Variants in WNT10A observed in about 807,000 individuals in gnomAD.
WNT10A encodes the protein protein Wnt-10a.
A neutral mutation model predicts 36.1 loss-of-function variants in WNT10A; 37 were observed. The observed-to-expected ratio is 1.02, with a 90% CI of 0.79 to 1.35. The LOEUF is 1.35. Among genes scored for constraint, WNT10A ranks in the 40% most tolerant of loss-of-function variants. The pLI is 0.00. For synonymous variants in WNT10A, 255 were observed against 254.1 expected, an observed-to-expected ratio of 1.00 and a Z score of -0.03; for missense variants, 613 against 601.4, an observed-to-expected ratio of 1.02 and a Z score of -0.20.
upstream of WNT10A, among the ~76,000 whole-genome samples, chr2:218,876,800 G>A (rs1345834233): frequency 1.3e-5 from 2 of 152,336 alleles, no homozygotes; most frequent in East Asian, 3.9e-4. Flanking sequence ...GACCACCAGA[G>A]GGCATGCGGA....
chr2:218,875,155 CTTTCTTT>C, the WNT10A span, among the ~76,000 whole-genome samples: 1 of 62,738 alleles, frequency 1.6e-5, no homozygotes, highest in South Asian at 6.5e-4. Flanking sequence ...ATAAGACTGA[CTTTCTTT>C]TTTTTTTTTT....
intron 2 of WNT10A, among the ~76,000 whole-genome samples, chr2:218,888,444 G>C (rs1368796000): frequency 3.9e-5 from 6 of 152,228 alleles, no homozygotes; most frequent in Admixed American, 3.9e-4. Flanking sequence ...AGAGTGGCTT[G>C]GTCAGGGAAA....
At chr2:218,892,743 G>A (rs765791031) in intron 3 of WNT10A, 31 bp from the exon 4 acceptor site, 1 of 1,562,484 alleles carries the variant, frequency 6.4e-7, no homozygotes, top group Non-Finnish European at 8.7e-7. Context: ...GCTGCGCGCC[G>A]TGTCACCCCT....
At chr2:218,880,729 G>T (rs1354577457), upstream of WNT10A, 2 of 423,218 alleles carry the variant, frequency 4.7e-6, no homozygotes, top group Non-Finnish European at 8.4e-6. This position sits in a 1 kb window ranked among gnomAD's most constrained non-coding sequence, Gnocchi z 7.7. Flanking sequence ...GTCGCGGGGG[G>T]GCCTCGGGAA....
In WNT10A at chr2:218,890,259, A is replaced by G. The variant is rs373991357; in HGVS notation, c.652A>G (p.Met218Val). 6.0e-5 allele frequency: 97 copies of G among 1,613,022 alleles called. 1 individual carries two copies. Among genetic ancestry groups the G allele is most frequent in the South Asian group, 5.6e-4 (51 of 91,086 alleles). Residue 218 changes from methionine (M) to valine (V), a missense_variant, in exon 3 of 4, where the codon ATG becomes GTG. Met to Val is a conservative substitution (Grantham distance 21). Transcript: ENST00000258411. ...GGAGTGGGGCGGCTGCAGCCCCGACATGGGCTTCGGGGAGCGCTTTTCTAA... is the reference window on the plus strand; with the variant it reads ...GGAGTGGGGCGGCTGCAGCCCCGACGTGGGCTTCGGGGAGCGCTTTTCTAA... ...SWEWGGCSPD[M>V]GFGERFSKDF...
chr2:218,893,354 A>G lies in WNT10A; in HGVS notation c.*83A>G. On this transcript the variant is annotated 3_prime_UTR_variant, in exon 4 of 4. Transcript: ENST00000258411. This position sits in a 1 kb window ranked among gnomAD's most constrained non-coding sequence, Gnocchi z 6.3. ...AGGCTTACGGTCTTGGCAAGGCAGC[A>G]TCGCCTTGGCTCTTGGGAAGAGGAG... 1.4e-6 allele frequency: 2 copies of G among 1,471,602 alleles called. No individual in the cohort carries two copies. The highest frequency in any genetic ancestry group is 1.8e-6 in the Non-Finnish European group (2 of 1,110,376). 91.2% of individuals were successfully genotyped at this position (1,471,602 alleles called of 1,614,324 possible).
chr2:218,875,157 TTC>T, the WNT10A span, among the ~76,000 whole-genome samples: 1 of 124,574 alleles, frequency 8.0e-6, no homozygotes, highest in South Asian at 2.8e-4. Context: ...AAGACTGACT[TTC>T]TTTTTTTTTT....
chr2:218,881,032 C>T lies in WNT10A; in HGVS notation c.37C>T (p.Arg13Ter), dbSNP rs756946393. ...SAHPRPWLRL[R>*]PQPQPRPALW... ...CCACCCTCGCCCCTGGCTGCGGCTCCGACCCCAGCCCCAGCCGCGGCCAGC... is the reference window on the plus strand; with the variant it reads ...CCACCCTCGCCCCTGGCTGCGGCTCTGACCCCAGCCCCAGCCGCGGCCAGC... The change falls in exon 1 of 4, where the codon CGA becomes TGA. Residue 13 changes from arginine (R) to a stop codon, truncating the protein, a stop_gained. Transcript: ENST00000258411. LOFTEE classifies it high-confidence loss of function. 16 of 1,600,306 alleles carry T rather than the reference C, an allele frequency of 1.0e-5. No individual in the cohort carries two copies. The highest frequency in any genetic ancestry group is 1.2e-5 in the Non-Finnish European group (14 of 1,173,780).
intron 2 of WNT10A, among the ~76,000 whole-genome samples, chr2:218,886,056 C>T (rs1365122903): frequency 4.6e-5 from 7 of 152,142 alleles, no homozygotes; most frequent in Non-Finnish European, 1.0e-4. Flanking sequence ...ATCTAGGAGT[C>T]AAATGCAGGC....
upstream of WNT10A, among the ~76,000 whole-genome samples, chr2:218,879,883 C>T (rs79447856): frequency 6.6e-6 from 1 of 152,224 alleles, no homozygotes; most frequent in Non-Finnish European, 1.5e-5. Flanking sequence ...AACGCCTCCT[C>T]CCAGGACGTG....
chr2:218,889,418 C>G (rs927981065), intron 2 of WNT10A, among the ~76,000 whole-genome samples: 1 of 152,192 alleles, frequency 6.6e-6, no homozygotes, highest in Non-Finnish European at 1.5e-5. Flanking sequence ...ATAATGACTT[C>G]TTTTCCTCTG....
chr2:218,880,729 G>A (rs1354577457), upstream of WNT10A: 2 of 423,104 alleles, frequency 4.7e-6, no homozygotes, highest in Non-Finnish European at 8.4e-6. This position sits in a 1 kb window ranked among gnomAD's most constrained non-coding sequence, Gnocchi z 7.7. Context: ...GTCGCGGGGG[G>A]GCCTCGGGAA....
intron 3 of WNT10A, among the ~76,000 whole-genome samples, chr2:218,892,535 C>G (rs982246556): frequency 2.0e-4 from 30 of 152,222 alleles, no homozygotes; most frequent in African/African-American, 7.0e-4. Flanking sequence ...GGAGGGGAGC[C>G]GGCAGGTGGG....
At chr2:218,887,135 C>G (rs189966903) in intron 2 of WNT10A, among the ~76,000 whole-genome samples, 4 of 152,294 alleles carry the variant, frequency 2.6e-5, no homozygotes, top group African/African-American at 9.6e-5. Flanking sequence ...AGCAGGACTC[C>G]CTTTGAGTCA....
At chr2:218,881,233 TG>T in intron 1 of WNT10A, 125 bp downstream of exon 1, 1 of 1,424,644 alleles carries the variant, frequency 7.0e-7, no homozygotes, top group East Asian at 2.5e-5. Flanking sequence ...AGGAAAGTGC[TG>T]GTGCCCAACC....
rs781178898 is a variant in WNT10A at position 218,893,078 on chromosome 2, C to T, written c.1061C>T (p.Ser354Leu). 30 of 1,596,422 alleles carry T rather than the reference C, an allele frequency of 1.9e-5. 1 individual carries two copies. The South Asian group carries it at 2.9e-4, about 15-fold the overall frequency. The change falls in exon 4 of 4, where the codon TCG becomes TTG. Residue 354 changes from serine to leucine, a missense_variant. Coordinates refer to ENST00000258411, the MANE Select transcript of WNT10A (RefSeq NM_025216.3). This position sits in a 1 kb window ranked among gnomAD's most constrained non-coding sequence, Gnocchi z 6.3. ...DFCEREPRLD[S>L]AGTVGRLCNK... ...TGCGAGCGCGAGCCGCGCCTGGACT[C>T]GGCGGGCACCGTGGGCCGCCTGTGC...
At chr2:218,878,389 G>A (rs544365425), upstream of WNT10A, among the ~76,000 whole-genome samples, 4 of 152,296 alleles carry the variant, frequency 2.6e-5, no homozygotes, top group African/African-American at 9.6e-5. This position sits in a 1 kb window ranked among gnomAD's most constrained non-coding sequence, Gnocchi z 4.1. Context: ...TTTGCCTCCG[G>A]AGGCTTTTTT....
In WNT10A at chr2:218,890,302, G is replaced by C; in HGVS notation, c.695G>C (p.Arg232Pro). The C allele has an allele frequency of 1.9e-6, 3 of 1,605,254 alleles. No individual in the cohort carries two copies. The highest frequency in any genetic ancestry group is 1.1e-5 in the South Asian group (1 of 91,078). Residue 232 changes from arginine to proline, a missense_variant, in exon 3 of 4, where the codon CGG (arginine) becomes CCG (proline). Arg to Pro is a moderately radical substitution (Grantham distance 103). Transcript: ENST00000258411. The stretch of plus-strand genomic sequence containing the variant: ...TTTTCTAAGGACTTTCTGGACTCCC[G>C]GGAGCCTCACAGAGACATCCACGCG... ...ERFSKDFLDS[R>P]EPHRDIHARM...
At chr2:218,874,291 A>T in the WNT10A span, 2 of 163,738 alleles carry the variant, frequency 1.2e-5, no homozygotes, top group African/African-American at 4.8e-5. Flanking sequence ...CTCCAGAAGA[A>T]GGTGGTTTTG....
Sources: allele counts gnomAD v4.1 joint callset (sites outside exome capture counted in the v4.1 genomes callset), GRCh38; gene constraint gnomAD v4.1.1; non-coding constraint Gnocchi (gnomAD v3.1); transcripts MANE v1.5; gene names NCBI Gene and HGNC (gene_info 2026-07-23, HGNC 2026-07-21).